Variants in CNTN4 observed in about 807,000 individuals in gnomAD.
The protein encoded by CNTN4 is contactin 4.
CNTN4 carries 77 observed loss-of-function variants against 122.5 expected under a neutral mutation model. That is an observed-to-expected ratio of 0.63 (90% confidence interval 0.52 to 0.76). The LOEUF is 0.76. Ranked by LOEUF, CNTN4 falls within the 30% of genes least tolerant of loss-of-function variation. The probability of loss-of-function intolerance (pLI) is 0.00; values close to 1 mark genes in which losing one functional copy is unlikely to be tolerated. For synonymous variants in CNTN4, 512 were observed against 447.0 expected (o/e 1.15, Z -1.83); for missense variants, 1,256 against 1,259.1 (o/e 1.00, Z 0.04).
chr3:2,540,272 G>A (rs1349639679), intron 3 of CNTN4, among the ~76,000 whole-genome samples: 1 of 151,990 alleles, frequency 6.6e-6, no homozygotes, highest in Non-Finnish European at 1.5e-5. Context: ...TGGTTGAATG[G>A]TAACAGGCAC....
At chr3:2,625,915 C>A (rs779294219) in intron 4 of CNTN4, among the ~76,000 whole-genome samples, 7 of 152,124 alleles carry the variant, frequency 4.6e-5, no homozygotes, top group African/African-American at 7.2e-5. Flanking sequence ...ATTTGTTCTA[C>A]CAGTATCGAA....
intron 16 of CNTN4, among the ~76,000 whole-genome samples, chr3:3,031,963 G>T (rs1473452155): frequency 6.6e-6 from 1 of 152,186 alleles, no homozygotes; most frequent in South Asian, 2.1e-4. Context: ...ATTATTGGAA[G>T]CCATAAAGAG....
At chr3:3,040,940 AAAT>A (rs1401675471) in intron 20 of CNTN4, 1 of 152,690 alleles carries the variant, frequency 6.5e-6, no homozygotes, top group African/African-American at 2.4e-5. Context: ...AAAAAAAAAA[AAAT>A]CTCACTTATT....
chr3:2,994,878 C>A (rs1320301749), intron 14 of CNTN4, among the ~76,000 whole-genome samples: 1 of 152,120 alleles, frequency 6.6e-6, no homozygotes, highest in Non-Finnish European at 1.5e-5. Flanking sequence ...CAGTAACATA[C>A]AATGACGGTT....
chr3:3,002,685 C>G (rs1696171116), intron 14 of CNTN4, among the ~76,000 whole-genome samples: 2 of 152,100 alleles, frequency 1.3e-5, no homozygotes, highest in African/African-American at 4.8e-5. Context: ...CCTTCTAATT[C>G]TAAAGTTCTC....
intron 4 of CNTN4, among the ~76,000 whole-genome samples, chr3:2,595,480 G>A (rs1285498218): frequency 6.6e-6 from 1 of 152,154 alleles, no homozygotes; most frequent in Non-Finnish European, 1.5e-5. Flanking sequence ...CTAAAGGTGT[G>A]GCAGGACCTG....
chr3:2,903,604 T>C (rs1012333835), intron 12 of CNTN4, among the ~76,000 whole-genome samples: 1 of 152,210 alleles, frequency 6.6e-6, no homozygotes, highest in Non-Finnish European at 1.5e-5. Context: ...TCTTCATTTC[T>C]GTAACTCCTT....
chr3:2,394,285 C>G lies in CNTN4; in HGVS notation c.-89+55052C>G, dbSNP rs2046556021. On this transcript the variant is annotated intron_variant, in intron 3 of 24. Transcript: ENST00000418658. ...GTTTCCATGTTAACAGGAACAGTAT[C>G]TGATCAGAGGGACAGGGCTAGACCT... Among the ~76,000 whole-genome samples the G allele has an allele frequency of 2.0e-5, 3 of 151,980 alleles. No individual in the cohort carries two copies. In the South Asian group the frequency reaches 6.2e-4, roughly 32 times the overall value.
At chr3:2,494,268 A>G (rs1002587741) in intron 3 of CNTN4, among the ~76,000 whole-genome samples, 1 of 152,126 alleles carries the variant, frequency 6.6e-6, no homozygotes, top group African/African-American at 2.4e-5. Flanking sequence ...ATTTTAGGGG[A>G]CAGAAGTTAC....
intron 2 of CNTN4, among the ~76,000 whole-genome samples, chr3:2,328,534 T>C (rs2043572903): frequency 6.6e-6 from 1 of 152,230 alleles, no homozygotes; most frequent in Non-Finnish European, 1.5e-5. Context: ...TATCTTTTGT[T>C]GTAGGGGCTT....
chr3:3,043,282 T>C, intron 22 of CNTN4, 119 bp downstream of exon 22: 2 of 1,010,072 alleles, frequency 2.0e-6, no homozygotes, highest in East Asian at 2.5e-5. Flanking sequence ...TGGATTCAAA[T>C]TTCCCTCAGC....
chr3:2,807,671 A>G (rs1307640212), intron 6 of CNTN4, among the ~76,000 whole-genome samples: 2 of 152,164 alleles, frequency 1.3e-5, no homozygotes, highest in Non-Finnish European at 2.9e-5. Flanking sequence ...AAGCATGTCC[A>G]GTTTCTTAGG....
chr3:3,002,365 T>C (rs1696135785), intron 14 of CNTN4, among the ~76,000 whole-genome samples: 1 of 152,160 alleles, frequency 6.6e-6, no homozygotes, highest in Non-Finnish European at 1.5e-5. Flanking sequence ...TCCTCTTGGC[T>C]AATTTACCTT....
intron 12 of CNTN4, among the ~76,000 whole-genome samples, chr3:2,920,382 G>C (rs2094416671): frequency 1.5e-5 from 2 of 136,780 alleles, no homozygotes; most frequent in South Asian, 4.8e-4. Flanking sequence ...CCCTATCTCA[G>C]TTTCCATGGT....
At chr3:2,153,990 T>C (rs1293294103) in intron 2 of CNTN4, among the ~76,000 whole-genome samples, 1 of 152,192 alleles carries the variant, frequency 6.6e-6, no homozygotes, top group Non-Finnish European at 1.5e-5. Context: ...CTCTACCTTA[T>C]CTTATATAAA....
chr3:2,615,539 G>A (rs895472081), intron 4 of CNTN4, among the ~76,000 whole-genome samples: 10 of 151,148 alleles, frequency 6.6e-5, no homozygotes, highest in African/African-American at 2.4e-4. Context: ...GATTTCTCCT[G>A]GATTAAGACA....
intron 6 of CNTN4, among the ~76,000 whole-genome samples, chr3:2,779,521 A>AT (rs1285807349): frequency 6.6e-6 from 1 of 152,110 alleles, no homozygotes; most frequent in Non-Finnish European, 1.5e-5. Flanking sequence ...ATTTTATTTT[A>AT]TTTTTTAGTT....
intron 2 of CNTN4, among the ~76,000 whole-genome samples, chr3:2,321,047 T>C (rs1408305170): frequency 6.6e-6 from 1 of 152,110 alleles, no homozygotes; most frequent in Non-Finnish European, 1.5e-5. Context: ...TAGACCCTTG[T>C]TGGGTGGCTG....
intron 2 of CNTN4, among the ~76,000 whole-genome samples, chr3:2,330,465 A>G (rs897720618): frequency 1.3e-5 from 2 of 152,134 alleles, no homozygotes; most frequent in Admixed American, 6.5e-5. Context: ...ACCCTTCTAA[A>G]AGACTTATCA....
Sources: allele counts gnomAD v4.1 joint callset (sites outside exome capture counted in the v4.1 genomes callset), GRCh38; gene constraint gnomAD v4.1.1; transcripts MANE v1.5; gene names NCBI Gene and HGNC (gene_info 2026-07-23, HGNC 2026-07-21).